DENND2A: variants seen among roughly 807,000 people sequenced by gnomAD.
DENND2A encodes the protein DENN domain containing 2A.
Under a neutral mutation model 105.3 loss-of-function variants are expected in DENND2A, and 53 were observed. That is an observed-to-expected ratio of 0.50 (90% CI 0.40 to 0.63). The LOEUF is 0.63. DENND2A is among the 30% of genes least tolerant of loss of function. DENND2A has a pLI of 0.00. For missense variants in DENND2A, 1,138 were observed against 1,279.6 expected (o/e 0.89, Z 1.69); for synonymous variants, 522 against 508.4 (o/e 1.03, Z -0.36).
At chr7:140,631,903 C>T (rs1800746595) in intron 1 of DENND2A, among the ~76,000 whole-genome samples, 2 of 152,052 alleles carry the variant, frequency 1.3e-5, no homozygotes, top group Admixed American at 1.3e-4. Flanking sequence ...GGTCACCACC[C>T]CGACCAAATC....
chr7:140,547,749 T>A (rs561663075), intron 12 of DENND2A, among the ~76,000 whole-genome samples: 1 of 152,316 alleles, frequency 6.6e-6, no homozygotes, highest in Admixed American at 6.5e-5. Context: ...GTCCATTAAC[T>A]GATGAAGTGA....
chr7:140,598,012 T>C (rs536443134), intron 3 of DENND2A, among the ~76,000 whole-genome samples: 1 of 136,594 alleles, frequency 7.3e-6, no homozygotes, highest in African/African-American at 2.7e-5. Context: ...GTATGTATTC[T>C]GCAAAAAAAA....
At chr7:140,634,976 A>T (rs1354290687) in intron 1 of DENND2A, among the ~76,000 whole-genome samples, 8 of 147,250 alleles carry the variant, frequency 5.4e-5, no homozygotes, top group Admixed American at 1.3e-4. Context: ...AAAAAAAAAA[A>T]TTTTGGCCAA....
chr7:140,532,362 T>C (rs1160592366), intron 14 of DENND2A, among the ~76,000 whole-genome samples: 1 of 152,220 alleles, frequency 6.6e-6, no homozygotes, highest in African/African-American at 2.4e-5. Flanking sequence ...CCAAAGTGCC[T>C]AAATGTGACT....
chr7:140,553,369 G>A (rs900848192), intron 12 of DENND2A, among the ~76,000 whole-genome samples: 2 of 152,194 alleles, frequency 1.3e-5, no homozygotes, highest in South Asian at 2.1e-4. Context: ...GCCCTAAGGC[G>A]GTTTTTCCCT....
chr7:140,550,991 G>T (rs1270237419), intron 12 of DENND2A, among the ~76,000 whole-genome samples: 2 of 151,874 alleles, frequency 1.3e-5, no homozygotes, highest in Non-Finnish European at 2.9e-5. Context: ...AGGCTGCTTA[G>T]GGGGACAGTA....
intron 3 of DENND2A, among the ~76,000 whole-genome samples, chr7:140,593,650 T>A (rs1316368137): frequency 6.6e-6 from 1 of 152,204 alleles, no homozygotes; most frequent in Non-Finnish European, 1.5e-5. Flanking sequence ...ATCCAAAGGT[T>A]TAGGTCTGAA....
chr7:140,579,109 A>G (rs1422970916), intron 5 of DENND2A, among the ~76,000 whole-genome samples: 1 of 152,116 alleles, frequency 6.6e-6, no homozygotes, highest in East Asian at 2.0e-4. Flanking sequence ...TCTGGCCAAC[A>G]TGGTGAAACC....
intron 14 of DENND2A, among the ~76,000 whole-genome samples, chr7:140,539,637 G>A (rs1208637714): frequency 1.3e-5 from 2 of 152,186 alleles, no homozygotes; most frequent in African/African-American, 4.8e-5. Context: ...CGGATCCTCT[G>A]CACGCCTGTT....
intron 3 of DENND2A, among the ~76,000 whole-genome samples, chr7:140,600,830 T>C (rs1417756027): frequency 6.6e-6 from 1 of 152,180 alleles, no homozygotes; most frequent in African/African-American, 2.4e-5. Context: ...AGTTGCAAAA[T>C]AGAAAAATTG....
At chr7:140,619,530 C>T (rs1800203813) in intron 1 of DENND2A, among the ~76,000 whole-genome samples, 1 of 151,690 alleles carries the variant, frequency 6.6e-6, no homozygotes, top group African/African-American at 2.4e-5. Flanking sequence ...GAGTCTCACT[C>T]ACTCTGTTGC....
intron 14 of DENND2A, among the ~76,000 whole-genome samples, chr7:140,540,893 T>G (rs1426090662): frequency 1.3e-5 from 2 of 152,106 alleles, no homozygotes; most frequent in Admixed American, 6.6e-5. Context: ...AATTTTTGTA[T>G]TTTTAGTAGA....
intron 3 of DENND2A, among the ~76,000 whole-genome samples, chr7:140,600,069 G>A (rs1799426323): frequency 6.6e-6 from 1 of 152,008 alleles, no homozygotes; most frequent in Non-Finnish European, 1.5e-5. Flanking sequence ...AAAAAGAGAG[G>A]AATTGGAGAT....
chr7:140,608,822 G>A (rs1211582667), intron 1 of DENND2A, among the ~76,000 whole-genome samples: 1 of 152,248 alleles, frequency 6.6e-6, no homozygotes, highest in African/African-American at 2.4e-5. Flanking sequence ...CCAAAGTGTG[G>A]TCCATGGGGG....
intron 1 of DENND2A, among the ~76,000 whole-genome samples, chr7:140,626,208 T>C (rs269229): frequency 0.04 from 6,074 of 152,304 alleles, 368 homozygotes; most frequent in African/African-American, 0.14. Flanking sequence ...GTTATGATTT[T>C]ATTTTATTCA....
intron 12 of DENND2A, among the ~76,000 whole-genome samples, chr7:140,555,135 C>CT (rs11308626): frequency 5.1e-5 from 6 of 118,442 alleles, no homozygotes; most frequent in Admixed American, 8.3e-5. Context: ...TTCATTAACT[C>CT]TTTTTTTTTT....
chr7:140,592,764 T>C (rs1799115776), intron 3 of DENND2A, among the ~76,000 whole-genome samples: 1 of 151,988 alleles, frequency 6.6e-6, no homozygotes, highest in African/African-American at 2.4e-5. Flanking sequence ...CATGCCTGGC[T>C]AATTTTTGTA....
At chr7:140,603,201 G>T (rs1305857809) in intron 2 of DENND2A, among the ~76,000 whole-genome samples, 2 of 136,546 alleles carry the variant, frequency 1.5e-5, no homozygotes, top group Non-Finnish European at 3.2e-5. Flanking sequence ...CAGGAGAATT[G>T]CTGGAACCCG....
intron 7 of DENND2A, among the ~76,000 whole-genome samples, chr7:140,569,231 G>A (rs562677241): frequency 5.3e-5 from 8 of 152,250 alleles, no homozygotes; most frequent in African/African-American, 1.9e-4. Context: ...CCCGCCTCTT[G>A]TTGTCTCTTT....
Sources: gnomAD v4.1 joint callset for allele counts (sites outside exome capture counted in the v4.1 genomes callset) on GRCh38, gnomAD v4.1.1 for gene constraint, MANE v1.5 for transcripts, NCBI Gene and HGNC (gene_info 2026-07-23, HGNC 2026-07-21) for gene names.